Variants in SLC6A6 observed in about 807,000 individuals in gnomAD.
The protein encoded by SLC6A6 is solute carrier family 6 member 6.
Under a neutral mutation model 68.8 loss-of-function variants are expected in SLC6A6, and 16 were observed. The ratio of observed to expected loss-of-function variants is 0.23; its 90% CI spans 0.16 to 0.35. The LOEUF (loss-of-function observed/expected upper bound fraction) is 0.35, where lower values mean the gene tolerates loss of function less well. SLC6A6 is among the 10% of genes least tolerant of loss of function. The pLI is 1.00. For synonymous variants in SLC6A6, 312 were observed against 315.4 expected (o/e 0.99, Z 0.12); for missense variants, 474 against 802.8 (o/e 0.59, Z 4.95).
intron 6 of SLC6A6, among the ~76,000 whole-genome samples, chr3:14,464,739 A>G (rs985634342): frequency 6.6e-6 from 1 of 152,120 alleles, no homozygotes; most frequent in African/African-American, 2.4e-5. Flanking sequence ...CCCCAACTCC[A>G]TGGGCACATT....
chr3:14,465,902 G>A (rs1700605192), intron 6 of SLC6A6, among the ~76,000 whole-genome samples: 1 of 152,184 alleles, frequency 6.6e-6, no homozygotes, highest in African/African-American at 2.4e-5. Flanking sequence ...ATCCACCACT[G>A]TATTTTGTGC....
rs1439753861 is a variant in SLC6A6 at position 14,489,249 on chromosome 3, T to G, written c.*4242T>G. ...GTTTTTTTCTCTTTTGCTTTTTAGA[T>G]AAATATGTATATCAATATTTTAAAT... On this transcript the variant is annotated 3_prime_UTR_variant, in exon 15 of 15. Coordinates refer to ENST00000622186, the MANE Select transcript of SLC6A6 (RefSeq NM_003043.6). 1.3e-5 allele frequency: 2 copies of G among 152,624 alleles called. No homozygotes were observed. Among genetic ancestry groups the G allele is most frequent in the African/African-American group, 2.4e-5 (1 of 41,448 alleles). The allele number at this position is 152,624 out of a possible 1,614,324, so 9.5% of individuals were successfully genotyped here. A position where few individuals can be genotyped will look rare whatever the true frequency, so the allele number is the denominator to read the frequency against.
intron 2 of SLC6A6, among the ~76,000 whole-genome samples, chr3:14,437,060 A>AC (rs376343243): frequency 0.78 from 119,324 of 152,092 alleles, 47,271 homozygotes; most frequent in African/African-American, 0.89. Context: ...CCTTTTCCTC[A>AC]TGTGTGACTG....
chr3:14,452,424 G>A (rs1297410623), intron 5 of SLC6A6, among the ~76,000 whole-genome samples: 1 of 152,206 alleles, frequency 6.6e-6, no homozygotes, highest in African/African-American at 2.4e-5. Flanking sequence ...CCTGCCCGAG[G>A]TCACGTGCAC....
chr3:14,443,379 T>TG (rs1700036336), intron 2 of SLC6A6, among the ~76,000 whole-genome samples: 2 of 152,066 alleles, frequency 1.3e-5, no homozygotes, highest in Admixed American at 1.3e-4. Flanking sequence ...GCCCGGGGAA[T>TG]GGACCTGCCG....
At chr3:14,448,155 G>GA (rs1358449800) in intron 5 of SLC6A6, 2 of 938,964 alleles carry the variant, frequency 2.1e-6, no homozygotes, top group Non-Finnish European at 2.7e-6. Flanking sequence ...TGTATTTTAG[G>GA]AAAAAATATA....
chr3:14,434,185 G>A (rs1447962456), intron 2 of SLC6A6, among the ~76,000 whole-genome samples: 4 of 152,202 alleles, frequency 2.6e-5, no homozygotes, highest in Non-Finnish European at 5.9e-5. Flanking sequence ...GAGCTTCTGG[G>A]TTTGAATCCA....
chr3:14,470,215 A>C (rs931404197), intron 9 of SLC6A6, among the ~76,000 whole-genome samples: 1 of 152,160 alleles, frequency 6.6e-6, no homozygotes, highest in African/African-American at 2.4e-5. Flanking sequence ...TGTCAATCTC[A>C]GTTGTTTTTT....
At chr3:14,447,889 T>C (rs1574941896) in intron 5 of SLC6A6, 73 bp downstream of exon 5, 5 of 1,571,962 alleles carry the variant, frequency 3.2e-6, no homozygotes, top group Non-Finnish European at 4.3e-6. Context: ...CCTTATCTCC[T>C]CCCCTGGGAT....
chr3:14,420,530 A>T (rs548963595), intron 2 of SLC6A6, among the ~76,000 whole-genome samples: 86 of 131,844 alleles, frequency 6.5e-4, no homozygotes, highest in Non-Finnish European at 1.1e-3. Flanking sequence ...TTGCTCTGTC[A>T]CCCAGGCTGG....
Position 14,455,234 on chromosome 3 carries a change from A to G in SLC6A6, c.600-2716A>G, listed in dbSNP as rs148971642. Among the ~76,000 whole-genome samples, 1,084 of 152,292 alleles carry G rather than the reference A, an allele frequency of 7.1e-3. 11 individuals carry two copies. Among genetic ancestry groups the G allele is most frequent in the African/African-American group, 0.025 (1,030 of 41,532 alleles). ...CAATGGAGAAGGAGGCGGAGGACTC[A>G]TTTTCTTTGTTGTAGACTCCATAGC... On this transcript the variant is annotated intron_variant, in intron 5 of 14. Coordinates refer to ENST00000622186, the MANE Select transcript of SLC6A6 (RefSeq NM_003043.6).
At chr3:14,416,524 C>T (rs1699366694) in intron 2 of SLC6A6, 71 bp downstream of exon 2, 2 of 398,514 alleles carry the variant, frequency 5.0e-6, no homozygotes, top group South Asian at 1.3e-4. Context: ...GTGGGGGGCT[C>T]AGGAGCTCCG....
At chr3:14,428,920 A>G (rs923023058) in intron 2 of SLC6A6, among the ~76,000 whole-genome samples, 2 of 152,222 alleles carry the variant, frequency 1.3e-5, no homozygotes, top group African/African-American at 4.8e-5. Context: ...CCTAAGTCCC[A>G]GGCAATGTGC....
chr3:14,402,975 C>T lies in SLC6A6; in HGVS notation c.-54+128C>T. On this transcript the variant is annotated intron_variant, in intron 1 of 14. Coordinates refer to ENST00000622186, the MANE Select transcript of SLC6A6 (RefSeq NM_003043.6). The surrounding 1 kb of genome is among the most constrained non-coding windows in gnomAD (Gnocchi z 4.8). ...GTGCGCCCATCCGGCGCCCCTTTCA[C>T]CACCGCGGAAGGGACCGAGAGTCGC... 2.6e-6 allele frequency: 1 copy of T among 381,488 alleles called. No homozygotes were observed. Among genetic ancestry groups the T allele is most frequent in the East Asian group, 3.8e-5 (1 of 26,418 alleles). 23.6% of individuals were successfully genotyped at this position (381,488 alleles called of 1,614,324 possible). A position where few individuals can be genotyped will look rare whatever the true frequency, so the allele number is the denominator to read the frequency against.
chr3:14,448,408 T>G (rs1048941825), intron 5 of SLC6A6, among the ~76,000 whole-genome samples: 21 of 152,210 alleles, frequency 1.4e-4, no homozygotes, highest in African/African-American at 4.8e-4. Context: ...TGCAGGCAAC[T>G]GTAGGTCCTC....
In SLC6A6 at chr3:14,439,851, G is replaced by T. The variant is rs556643024; in HGVS notation, c.-11-3773G>T. On this transcript the variant is annotated intron_variant, in intron 2 of 14. Coordinates refer to ENST00000622186, the MANE Select transcript of SLC6A6 (RefSeq NM_003043.6). ...GACTCCCTGGAGGGTGTCCTCTGAG[G>T]TCAGACTGAGCCGCAGAGGGACAGT... is the stretch of plus-strand genomic sequence containing the variant. Among the ~76,000 whole-genome samples, 40 of 152,254 alleles carry T rather than the reference G, an allele frequency of 2.6e-4. 1 individual carries two copies. The South Asian group carries it at 7.0e-3, about 27-fold the overall frequency.
Position 14,464,027 on chromosome 3 carries a change from A to C in SLC6A6, c.733-2489A>C, listed in dbSNP as rs955204970. ...AGAGGCAGCGTGCAACCCCTGGTAG[A>C]GGTGGCTCCCCAGCTGACCCACAGC... On this transcript the variant is annotated intron_variant, in intron 6 of 14. Transcript: ENST00000622186. Among the ~76,000 whole-genome samples, 6 of 152,210 alleles carry C rather than the reference A, an allele frequency of 3.9e-5. 1 individual carries two copies. Among genetic ancestry groups the C allele is most frequent in the Non-Finnish European group, 8.8e-5 (6 of 68,020 alleles).
chr3:14,457,418 C>T (rs1700394104), intron 5 of SLC6A6, among the ~76,000 whole-genome samples: 2 of 152,290 alleles, frequency 1.3e-5, no homozygotes, highest in Middle Eastern at 3.4e-3. Flanking sequence ...AATTTAGGAC[C>T]TTGTGTGACT....
intron 5 of SLC6A6, among the ~76,000 whole-genome samples, chr3:14,456,268 A>G (rs563178671): frequency 6.6e-6 from 1 of 152,390 alleles, no homozygotes; most frequent in South Asian, 2.1e-4. Flanking sequence ...GGGGGAGCCC[A>G]CTGATGTCGC....
Sources: allele counts gnomAD v4.1 joint callset (sites outside exome capture counted in the v4.1 genomes callset), GRCh38; gene constraint gnomAD v4.1.1; non-coding constraint Gnocchi (gnomAD v3.1); transcripts MANE v1.5; gene names NCBI Gene and HGNC (gene_info 2026-07-23, HGNC 2026-07-21).